MALRD1: variants seen among roughly 807,000 people sequenced by gnomAD.
MALRD1 encodes MAM and LDL-receptor class A domain-containing protein 1.
A neutral mutation model predicts 242.1 loss-of-function variants in MALRD1; 247 were observed. The observed-to-expected ratio is 1.02, with a 90% CI of 0.92 to 1.13. The LOEUF (loss-of-function observed/expected upper bound fraction) is 1.13. MALRD1 is among the 50% of genes most tolerant of loss of function. The pLI is 0.00. For missense variants in MALRD1, 2,989 were observed against 2,533.1 expected (o/e 1.18, Z -3.86); for synonymous variants, 995 against 866.6 (o/e 1.15, Z -2.60).
chr10:19,676,691 C>T (rs1030774031), intron 36 of MALRD1, among the ~76,000 whole-genome samples: 6 of 152,092 alleles, frequency 3.9e-5, no homozygotes, highest in South Asian at 2.1e-4. Flanking sequence ...ATTTTAGTTC[C>T]GGGGTACATG....
At chr10:19,595,075 A>T (rs547649381) in intron 33 of MALRD1, 119 bp from the exon 34 acceptor site, 2 of 1,024,770 alleles carry the variant, frequency 2.0e-6, no homozygotes, top group African/African-American at 3.2e-5. Context: ...TTAGAAATTA[A>T]TTTACTTCAA....
intron 21 of MALRD1, among the ~76,000 whole-genome samples, chr10:19,288,628 CG>C (rs1436310527): frequency 4.6e-5 from 7 of 152,036 alleles, no homozygotes; most frequent in African/African-American, 1.7e-4. Flanking sequence ...TCTGAGGTTC[CG>C]TAACTAGTAT....
intron 36 of MALRD1, among the ~76,000 whole-genome samples, chr10:19,647,385 A>G (rs1840704092): frequency 6.6e-6 from 1 of 152,172 alleles, no homozygotes; most frequent in Non-Finnish European, 1.5e-5. Flanking sequence ...AGAGGAGCTT[A>G]CCACGCCCAG....
At chr10:19,110,682 A>G (rs1278238710) in intron 5 of MALRD1, among the ~76,000 whole-genome samples, 1 of 152,120 alleles carries the variant, frequency 6.6e-6, no homozygotes, top group African/African-American at 2.4e-5. Context: ...GTTACTTTCC[A>G]TGGTATTCCT....
At chr10:19,099,765 T>TATA (rs1564390649) in intron 4 of MALRD1, among the ~76,000 whole-genome samples, 1 of 142,456 alleles carries the variant, frequency 7.0e-6, no homozygotes, top group African/African-American at 2.7e-5. Flanking sequence ...ATATATATAT[T>TATA]TTTTTTAATT....
chr10:19,596,748 A>G (rs1157601219), intron 34 of MALRD1, among the ~76,000 whole-genome samples: 1 of 151,422 alleles, frequency 6.6e-6, no homozygotes, highest in African/African-American at 2.4e-5. Context: ...CAAAAAGAAA[A>G]GAAAAGAAAA....
intron 21 of MALRD1, among the ~76,000 whole-genome samples, chr10:19,292,892 CAAAAAAAA>C (rs57002523): frequency 1.4e-5 from 1 of 72,860 alleles, no homozygotes; most frequent in South Asian, 5.2e-4. Flanking sequence ...GACTCTGCCT[CAAAAAAAA>C]AAAAAAAAAA....
intron 20 of MALRD1, among the ~76,000 whole-genome samples, chr10:19,282,156 A>G (rs1003913217): frequency 7.9e-5 from 12 of 152,164 alleles, no homozygotes; most frequent in African/African-American, 2.7e-4. Context: ...TATATTTTAA[A>G]TGATATGAAG....
intron 35 of MALRD1, among the ~76,000 whole-genome samples, chr10:19,608,612 T>G (rs1200691252): frequency 6.6e-6 from 1 of 152,120 alleles, no homozygotes; most frequent in Non-Finnish European, 1.5e-5. Flanking sequence ...AGAGATATAT[T>G]CAGTGAAATT....
intron 18 of MALRD1, among the ~76,000 whole-genome samples, chr10:19,225,278 GAATGGAGAT>G (rs1415855312): frequency 6.6e-6 from 1 of 152,172 alleles, no homozygotes; most frequent in Non-Finnish European, 1.5e-5. Flanking sequence ...TGGAAATAGA[GAATGGAGAT>G]AATGGAGATA....
chr10:19,483,503 C>A (rs1011469330), intron 29 of MALRD1, among the ~76,000 whole-genome samples: 1 of 152,114 alleles, frequency 6.6e-6, no homozygotes, highest in African/African-American at 2.4e-5. Context: ...AGACACTTCT[C>A]AAAAGAAGAC....
intron 19 of MALRD1, among the ~76,000 whole-genome samples, chr10:19,265,494 G>T (rs74593623): frequency 6.6e-6 from 1 of 151,820 alleles, no homozygotes. Context: ...GGTTTTTAAG[G>T]AGTATGTTGT....
At chr10:19,309,137 T>C (rs1168455315) in intron 21 of MALRD1, among the ~76,000 whole-genome samples, 2 of 151,538 alleles carry the variant, frequency 1.3e-5, no homozygotes, top group Non-Finnish European at 3.0e-5. Flanking sequence ...GTTTCTTTTG[T>C]TTTTATGCTT....
chr10:19,205,095 T>C lies in MALRD1; in HGVS notation c.2408T>C (p.Val803Ala), dbSNP rs1836726818. Residue 803 changes from valine to alanine, a missense_variant, in exon 17 of 40, where the codon GTC becomes GCC. Transcript: ENST00000454679. ...DKVSLGIYDGVSAIDDIRFEN... is the reference protein window; with the variant it reads ...DKVSLGIYDGASAIDDIRFEN... ...GTCAGTCTGGGCATTTATGATGGGG[T>C]CTCAGCTATTGATGACATCCGATTT... is the stretch of plus-strand genomic sequence containing the variant. 1 of 1,550,680 alleles carries C rather than the reference T, an allele frequency of 6.4e-7. No homozygotes were observed. Among genetic ancestry groups the C allele is most frequent in the South Asian group, 1.2e-5 (1 of 84,054 alleles).
chr10:19,450,558 C>A, intron 29 of MALRD1, 68 bp downstream of exon 29: 1 of 1,317,842 alleles, frequency 7.6e-7, no homozygotes, highest in Non-Finnish European at 1.0e-6. Context: ...TTTTGTTACA[C>A]AAGTTTACAA....
In MALRD1 at chr10:19,209,457, A is replaced by G. The variant is rs1034567782; in HGVS notation, c.2768A>G (p.Gln923Arg). The change falls in exon 18 of 40, where the codon CAA (glutamine) becomes CGA (arginine). Residue 923 changes from glutamine to arginine, a missense_variant. Physicochemically the swap from Gln to Arg is conservative, Grantham distance 43 (BLOSUM62 1). Transcript: ENST00000454679. ...YIESSEPQAF[Q>R]DSAALLSPIL... ...GAATCTTCAGAGCCACAGGCTTTTC[A>G]AGACAGTGCTGCCTTACTCAGCCCA... 1 of 1,550,920 alleles carries G rather than the reference A, an allele frequency of 6.4e-7. No individual in the cohort carries two copies. The highest frequency in any genetic ancestry group is 8.7e-7 in the Non-Finnish European group (1 of 1,147,060).
At chr10:19,050,892 G>A (rs1283571660) in intron 1 of MALRD1, among the ~76,000 whole-genome samples, 3 of 152,182 alleles carry the variant, frequency 2.0e-5, no homozygotes, top group African/African-American at 7.2e-5. Flanking sequence ...AAAGGTTAAC[G>A]TGAAGAAATG....
At chr10:19,327,155 C>A (rs186084471) in intron 22 of MALRD1, among the ~76,000 whole-genome samples, 1 of 152,212 alleles carries the variant, frequency 6.6e-6, no homozygotes, top group East Asian at 1.9e-4. Flanking sequence ...TCTCTGGAAC[C>A]ATCTAATGAG....
chr10:19,184,300 G>A (rs948451206), intron 14 of MALRD1, among the ~76,000 whole-genome samples: 4 of 152,138 alleles, frequency 2.6e-5, no homozygotes, highest in Non-Finnish European at 4.4e-5. Flanking sequence ...CTAAAAGAAG[G>A]CAGATGAGGA....
Sources: allele counts gnomAD v4.1 joint callset (sites outside exome capture counted in the v4.1 genomes callset), GRCh38; gene constraint gnomAD v4.1.1; transcripts MANE v1.5; gene names NCBI Gene and HGNC (gene_info 2026-07-23, HGNC 2026-07-21).